CDH12: variants seen among roughly 807,000 people sequenced by gnomAD.
CDH12 encodes cadherin 12.
CDH12 carries 41 observed loss-of-function variants against 74.1 expected under a neutral mutation model. The ratio of observed to expected loss-of-function variants is 0.55; its 90% CI spans 0.43 to 0.72. CDH12 has a LOEUF of 0.72. CDH12 is among the 30% of genes least tolerant of loss of function. The pLI is 0.00. For synonymous variants in CDH12, 399 were observed against 355.0 expected (o/e 1.12, Z -1.39); for missense variants, 945 against 977.2 (o/e 0.97, Z 0.44).
intron 2 of CDH12, among the ~76,000 whole-genome samples, chr5:22,484,854 CATA>C (rs1453052927): frequency 6.6e-6 from 1 of 151,970 alleles, no homozygotes; most frequent in Non-Finnish European, 1.5e-5. Context: ...AACAGGATTA[CATA>C]ATAATATAGT....
chr5:21,833,994 C>T (rs1468715126), intron 8 of CDH12, among the ~76,000 whole-genome samples: 1 of 151,816 alleles, frequency 6.6e-6, no homozygotes, highest in African/African-American at 2.4e-5. Context: ...GTTTATTCTA[C>T]TTAGAAAAAA....
chr5:22,801,659 ATATAT>A (rs1290457942), intron 1 of CDH12, among the ~76,000 whole-genome samples: 6 of 117,846 alleles, frequency 5.1e-5, no homozygotes, highest in Admixed American at 8.1e-5. Context: ...ATATATATAT[ATATAT>A]ATATATATAT....
intron 2 of CDH12, among the ~76,000 whole-genome samples, chr5:22,470,687 G>A (rs1426195971): frequency 1.3e-5 from 2 of 152,020 alleles, no homozygotes; most frequent in Non-Finnish European, 2.9e-5. Flanking sequence ...CAAAGTGCTG[G>A]CATTACAAGC....
intron 4 of CDH12, among the ~76,000 whole-genome samples, chr5:22,093,699 T>C (rs1743572414): frequency 1.3e-5 from 2 of 152,146 alleles, no homozygotes. Flanking sequence ...ATTGTGGTGA[T>C]GGTTGCAACA....
intron 1 of CDH12, among the ~76,000 whole-genome samples, chr5:22,714,690 C>A (rs1364538483): frequency 1.3e-5 from 2 of 152,106 alleles, no homozygotes; most frequent in African/African-American, 4.8e-5. Flanking sequence ...CTAATTTATC[C>A]CAATAGGCCC....
In CDH12 at chr5:22,450,736, T is replaced by C. The variant is rs192822531; in HGVS notation, c.-427-45385A>G. Among the ~76,000 whole-genome samples, 17 of 152,066 alleles carry C rather than the reference T, an allele frequency of 1.1e-4. 1 individual carries two copies. In the East Asian group the frequency reaches 3.1e-3, roughly 28 times the overall value. On this transcript the variant is annotated intron_variant, in intron 2 of 14. Coordinates refer to ENST00000382254, the MANE Select transcript of CDH12 (RefSeq NM_004061.5). ...TCAAATTATCTAATGGTTTTTATCC[T>C]ATTTCAAATAAAATCCAATCCAGCC...
chr5:22,174,046 T>C (rs1749197516), intron 4 of CDH12, among the ~76,000 whole-genome samples: 7 of 152,026 alleles, frequency 4.6e-5, no homozygotes, highest in Non-Finnish European at 1.0e-4. Context: ...ACGCATGCAA[T>C]GCTTTACGAA....
At chr5:22,310,123 C>T (rs1738317987) in intron 3 of CDH12, among the ~76,000 whole-genome samples, 1 of 151,814 alleles carries the variant, frequency 6.6e-6, no homozygotes, top group African/African-American at 2.4e-5. Context: ...ATGTTCTGCA[C>T]ATGTACCCCG....
chr5:22,383,239 G>T (rs576206037), intron 3 of CDH12, among the ~76,000 whole-genome samples: 2 of 152,272 alleles, frequency 1.3e-5, no homozygotes, highest in South Asian at 2.1e-4. Context: ...CATTATAATT[G>T]AGGATATTTA....
intron 4 of CDH12, among the ~76,000 whole-genome samples, chr5:22,086,434 T>C (rs2150233165): frequency 6.6e-6 from 1 of 152,156 alleles, no homozygotes; most frequent in African/African-American, 2.4e-5. Flanking sequence ...AGCCTCCGCC[T>C]CCCGGGTTTA....
intron 4 of CDH12, among the ~76,000 whole-genome samples, chr5:22,184,130 G>A (rs567165390): frequency 6.6e-6 from 1 of 151,652 alleles, no homozygotes; most frequent in Non-Finnish European, 1.5e-5. Context: ...TCTTAACTCG[G>A]TTTTTTTTGT....
chr5:22,541,792 T>A (rs1415080264), intron 1 of CDH12, among the ~76,000 whole-genome samples: 1 of 152,132 alleles, frequency 6.6e-6, no homozygotes, highest in Non-Finnish European at 1.5e-5. Context: ...TGACAATGAG[T>A]AAAACTAGGA....
intron 1 of CDH12, among the ~76,000 whole-genome samples, chr5:22,560,344 C>A (rs974638660): frequency 6.6e-5 from 10 of 152,138 alleles, no homozygotes; most frequent in Non-Finnish European, 1.2e-4. Context: ...ATCCACGCTG[C>A]GTGCTATCTG....
At chr5:21,933,056 G>A (rs7449359) in intron 6 of CDH12, among the ~76,000 whole-genome samples, 113,485 of 151,304 alleles carry the variant, frequency 0.75, 44,987 homozygotes, top group East Asian at 0.93. Context: ...AGCTATCATC[G>A]ATATTCATTA....
chr5:22,104,032 C>T (rs1283611915), intron 4 of CDH12, among the ~76,000 whole-genome samples: 1 of 150,606 alleles, frequency 6.6e-6, no homozygotes, highest in African/African-American at 2.5e-5. Flanking sequence ...AAGCAACAGT[C>T]TCTGGTGAGG....
At chr5:22,726,699 A>G (rs1447077815) in intron 1 of CDH12, among the ~76,000 whole-genome samples, 1 of 151,806 alleles carries the variant, frequency 6.6e-6, no homozygotes, top group African/African-American at 2.4e-5. Context: ...CAGAACATAT[A>G]TCAGAGTTTA....
chr5:21,820,602 T>C (rs565124027), intron 8 of CDH12, among the ~76,000 whole-genome samples: 1 of 152,142 alleles, frequency 6.6e-6, no homozygotes, highest in South Asian at 2.1e-4. Context: ...CTTAATAAAA[T>C]ATTACAGCTG....
chr5:22,401,541 A>G (rs1283918939), intron 3 of CDH12, among the ~76,000 whole-genome samples: 1 of 152,178 alleles, frequency 6.6e-6, no homozygotes, highest in African/African-American at 2.4e-5. Flanking sequence ...CTAAACTAGT[A>G]ATAGACACAA....
At chr5:22,684,444 T>C (rs1741654433) in intron 1 of CDH12, among the ~76,000 whole-genome samples, 1 of 152,196 alleles carries the variant, frequency 6.6e-6, no homozygotes, top group South Asian at 2.1e-4. Flanking sequence ...GAAATATTTG[T>C]GAGTTAAAAG....
Sources: gnomAD v4.1 joint callset for allele counts (sites outside exome capture counted in the v4.1 genomes callset) on GRCh38, gnomAD v4.1.1 for gene constraint, MANE v1.5 for transcripts, NCBI Gene and HGNC (gene_info 2026-07-23, HGNC 2026-07-21) for gene names.